Variants in ESR1 observed in about 807,000 individuals in gnomAD.
ESR1 encodes estrogen receptor.
In ESR1, 12 loss-of-function variants were observed where a neutral mutation model predicts 52.7. That is an observed-to-expected ratio of 0.23 (90% CI 0.15 to 0.37). The LOEUF (loss-of-function observed/expected upper bound fraction) is 0.37. Ranked by LOEUF, ESR1 falls within the 10% of genes least tolerant of loss-of-function variation. ESR1 has a pLI of 1.00. For synonymous variants in ESR1, 305 were observed against 316.8 expected (o/e 0.96, Z 0.39); for missense variants, 584 against 779.7 (o/e 0.75, Z 2.99).
intron 6 of ESR1, chr6:152,122,373 G>A: frequency 6.2e-7 from 1 of 1,612,524 alleles, no homozygotes; most frequent in East Asian, 2.2e-5. Flanking sequence ...TGGTAGTTTG[G>A]GATTGCTTAT....
chr6:151,966,751 A>G (rs774055781), intron 4 of ESR1, among the ~76,000 whole-genome samples: 1 of 152,168 alleles, frequency 6.6e-6, no homozygotes, highest in Non-Finnish European at 1.5e-5. Context: ...TATATCCTGC[A>G]ATATTTAGAA....
chr6:151,860,469 G>C (rs890306305), intron 2 of ESR1, among the ~76,000 whole-genome samples: 2 of 152,090 alleles, frequency 1.3e-5, no homozygotes, highest in Admixed American at 1.3e-4. Flanking sequence ...TATAGTGTGT[G>C]TGATATATAT....
rs1473019717 is a variant in ESR1, at chr6:152,023,586, AAC to A, written c.1235+11794_1235+11795del. The stretch of plus-strand genomic sequence containing the variant: ...AATAATTCTGTGATATCATCTAAAA[AAC>A]AGTTCTTTTCTACATCAAAAATGTC... On this transcript the variant is annotated intron_variant, in intron 5 of 7. Transcript: ENST00000206249. 1.3e-5 allele frequency among the ~76,000 whole-genome samples: 2 copies of A among 152,242 alleles called. 1 individual carries two copies. The highest frequency in any genetic ancestry group is 2.9e-5 in the Non-Finnish European group (2 of 68,046).
intron 2 of ESR1, among the ~76,000 whole-genome samples, chr6:151,729,564 T>C (rs967880546): frequency 6.6e-6 from 1 of 152,046 alleles, no homozygotes; most frequent in African/African-American, 2.4e-5. Flanking sequence ...AGTAGTAGGG[T>C]AAAGGAAAGT....
At chr6:151,833,737 G>T (rs1782823562) in intron 1 of ESR1, among the ~76,000 whole-genome samples, 1 of 152,192 alleles carries the variant, frequency 6.6e-6, no homozygotes, top group African/African-American at 2.4e-5. Context: ...TTTGCCCATT[G>T]CATCAGTCAT....
At chr6:152,125,364 G>A (rs1292472658) in exon 7 of ESR1, 4 of 1,549,306 alleles carry the variant, frequency 2.6e-6, no homozygotes, top group Non-Finnish European at 3.5e-6. Flanking sequence ...CTGGTCATAA[G>A]GCCTCACAGT....
At chr6:152,085,133 G>A (rs1009101367) in intron 6 of ESR1, among the ~76,000 whole-genome samples, 1 of 152,052 alleles carries the variant, frequency 6.6e-6, no homozygotes, top group African/African-American at 2.4e-5. Context: ...CTCCTGAAGT[G>A]TCTGGCATAG....
chr6:151,755,789 C>G (rs889554182), intron 2 of ESR1, among the ~76,000 whole-genome samples: 6 of 152,096 alleles, frequency 3.9e-5, no homozygotes, highest in African/African-American at 1.4e-4. Context: ...AGCCACCATG[C>G]CCAGCTACTT....
intron 2 of ESR1, among the ~76,000 whole-genome samples, chr6:151,706,927 C>T (rs187762531): frequency 6.6e-5 from 10 of 152,206 alleles, no homozygotes; most frequent in Admixed American, 2.0e-4. Context: ...GTCCTCAAAA[C>T]GTGAGGATTT....
At chr6:151,680,703 C>T (rs1017600271) in intron 1 of ESR1, among the ~76,000 whole-genome samples, 6 of 152,080 alleles carry the variant, frequency 3.9e-5, no homozygotes, top group East Asian at 1.9e-4. Context: ...TCTTTCAGTC[C>T]GTAATAGTTG....
intron 2 of ESR1, among the ~76,000 whole-genome samples, chr6:151,795,686 A>G (rs917205372): frequency 2.0e-5 from 3 of 152,174 alleles, no homozygotes; most frequent in Admixed American, 2.0e-4. Flanking sequence ...TACCAAAATT[A>G]ACACCGCACA....
chr6:151,705,321 G>T (rs1205604761), intron 2 of ESR1, among the ~76,000 whole-genome samples: 2 of 152,042 alleles, frequency 1.3e-5, no homozygotes, highest in South Asian at 2.1e-4. Context: ...GAGGTGAAAG[G>T]ATCCTTTGAC....
intron 7 of ESR1, among the ~76,000 whole-genome samples, chr6:152,095,664 G>A (rs74619249): frequency 0.012 from 1,755 of 152,308 alleles, 40 homozygotes; most frequent in African/African-American, 0.038. Context: ...CCGGGGTCAT[G>A]ACTATTTCTG....
chr6:151,741,543 G>A (rs557197145), intron 2 of ESR1, among the ~76,000 whole-genome samples: 1 of 152,114 alleles, frequency 6.6e-6, no homozygotes, highest in African/African-American at 2.4e-5. Flanking sequence ...GAGATGATTG[G>A]GTTATCAATA....
At chr6:152,087,576 C>T (rs1051031581) in intron 6 of ESR1, among the ~76,000 whole-genome samples, 4 of 152,138 alleles carry the variant, frequency 2.6e-5, no homozygotes, top group Admixed American at 2.0e-4. Flanking sequence ...CTGTTGAGGG[C>T]TCTGTCATCA....
At chr6:152,019,359 G>A (rs67690147) in intron 5 of ESR1, among the ~76,000 whole-genome samples, 20,610 of 152,102 alleles carry the variant, frequency 0.14, 1,651 homozygotes, top group East Asian at 0.37. Context: ...GTGCTTGGAA[G>A]GGTTCTATTG....
intron 4 of ESR1, among the ~76,000 whole-genome samples, chr6:151,945,031 C>T (rs534089054): frequency 2.1e-4 from 32 of 152,188 alleles, no homozygotes; most frequent in East Asian, 9.7e-4. Flanking sequence ...TCCGGGGCAA[C>T]GTGGCGAAAC....
Position 151,716,873 on chromosome 6 carries a change from G to A in ESR1, c.-71+14868G>A, listed in dbSNP as rs1364951504. On this transcript the variant is annotated intron_variant, in intron 2 of 2. Coordinates refer to the ESR1 transcript ENST00000404742. The stretch of plus-strand genomic sequence containing the variant: ...CTCGCTGGCATTCCAGGAGCCACTA[G>A]GGTATGAAAAACAAAAACTCCTGTA... Among the ~76,000 whole-genome samples, 7 of 152,174 alleles carry A rather than the reference G, an allele frequency of 4.6e-5. No homozygotes were observed. The East Asian group carries it at 1.3e-3, about 29-fold the overall frequency.
chr6:152,121,003 T>C (rs936014461), intron 6 of ESR1, among the ~76,000 whole-genome samples: 7 of 152,150 alleles, frequency 4.6e-5, no homozygotes, highest in Admixed American at 1.3e-4. Context: ...CCCCCAATTC[T>C]GGAAGGGACA....
Sources: gnomAD v4.1 joint callset for allele counts (sites outside exome capture counted in the v4.1 genomes callset) on GRCh38, gnomAD v4.1.1 for gene constraint, MANE v1.5 for transcripts, NCBI Gene and HGNC (gene_info 2026-07-23, HGNC 2026-07-21) for gene names.